The following KCNT2 variants were observed in gnomAD, a reference collection of about 807,000 sequenced individuals.
The protein encoded by KCNT2 is potassium sodium-activated channel subfamily T member 2, also known as potassium channel subfamily T member 2.
A neutral mutation model predicts 153.8 loss-of-function variants in KCNT2; 67 were observed. That is an observed-to-expected ratio of 0.44 (90% CI 0.36 to 0.53). The LOEUF (loss-of-function observed/expected upper bound fraction) is 0.53. Among genes scored for constraint, KCNT2 ranks in the 20% least tolerant of loss-of-function variants. The probability of loss-of-function intolerance (pLI) is 0.00; values close to 1 mark genes in which losing one functional copy is unlikely to be tolerated. For synonymous variants in KCNT2, 500 were observed against 458.8 expected (o/e 1.09, Z -1.15); for missense variants, 975 against 1,354.8 (o/e 0.72, Z 4.40).
At chr1:196,606,603 C>T (rs1450035131) in intron 1 of KCNT2, among the ~76,000 whole-genome samples, 1 of 152,134 alleles carries the variant, frequency 6.6e-6, no homozygotes, top group Non-Finnish European at 1.5e-5. Flanking sequence ...ATTTCTGCAG[C>T]ATCCTTAGAA....
intron 8 of KCNT2, among the ~76,000 whole-genome samples, chr1:196,452,704 C>T (rs1479748665): frequency 2.5e-5 from 3 of 118,490 alleles, no homozygotes; most frequent in African/African-American, 9.6e-5. Context: ...AGAAATAGAA[C>T]CAATATGTTA....
At chr1:196,458,930 A>T (rs2148644045) in intron 8 of KCNT2, among the ~76,000 whole-genome samples, 1 of 152,010 alleles carries the variant, frequency 6.6e-6, no homozygotes, top group Admixed American at 6.6e-5. Context: ...CCATTCCTGT[A>T]ATTCAAACAT....
intron 22 of KCNT2, among the ~76,000 whole-genome samples, chr1:196,299,686 C>T (rs577350010): frequency 6.6e-6 from 1 of 152,074 alleles, no homozygotes; most frequent in East Asian, 1.9e-4. Context: ...TTATGGACAA[C>T]AAAATGAAGA....
intron 1 of KCNT2, among the ~76,000 whole-genome samples, chr1:196,522,970 C>A (rs1398843712): frequency 6.6e-6 from 1 of 152,204 alleles, no homozygotes; most frequent in Non-Finnish European, 1.5e-5. Flanking sequence ...GCCAGTGTGG[C>A]AACCCACTTG....
chr1:196,255,008 G>C (rs951613616), intron 26 of KCNT2, among the ~76,000 whole-genome samples: 8 of 151,412 alleles, frequency 5.3e-5, no homozygotes, highest in Non-Finnish European at 1.2e-4. Flanking sequence ...AAATCAGCTA[G>C]TACCTATTAT....
chr1:196,471,315 T>C (rs1678090684), intron 5 of KCNT2, among the ~76,000 whole-genome samples: 1 of 152,200 alleles, frequency 6.6e-6, no homozygotes, highest in Admixed American at 6.5e-5. Context: ...AGACAGAGGA[T>C]GCACGGTTTT....
At chr1:196,544,148 T>A (rs1203883249) in intron 1 of KCNT2, among the ~76,000 whole-genome samples, 1 of 152,170 alleles carries the variant, frequency 6.6e-6, no homozygotes, top group South Asian at 2.1e-4. Context: ...CAATAAGTTA[T>A]GGCATTCACA....
intron 1 of KCNT2, among the ~76,000 whole-genome samples, chr1:196,508,583 C>T (rs1342454906): frequency 6.6e-6 from 1 of 151,960 alleles, no homozygotes; most frequent in Non-Finnish European, 1.5e-5. Flanking sequence ...ATTAAGAATA[C>T]AAAAAGAAGT....
chr1:196,241,073 A>C (rs372462311), intron 26 of KCNT2, among the ~76,000 whole-genome samples: 1 of 152,090 alleles, frequency 6.6e-6, no homozygotes, highest in Non-Finnish European at 1.5e-5. Flanking sequence ...AGACAGAGAA[A>C]GAGACTTAGA....
intron 1 of KCNT2, among the ~76,000 whole-genome samples, chr1:196,555,440 A>G (rs1183407768): frequency 6.6e-6 from 1 of 151,350 alleles, no homozygotes; most frequent in East Asian, 1.9e-4. Context: ...AATTAATGTA[A>G]CCAAAGAAGT....
Position 196,593,295 on chromosome 1 carries a change from A to AATATATAT in KCNT2, c.95+14912_95+14919dup, listed in dbSNP as rs200795914. Among the ~76,000 whole-genome samples, 427 of 128,780 alleles carry AATATATAT rather than the reference A, an allele frequency of 3.3e-3. 2 individuals carry two copies. The highest frequency in any genetic ancestry group is 0.011 in the African/African-American group (393 of 34,500). 84.5% of individuals were successfully genotyped at this position (128,780 alleles called of 152,430 possible). A position where few individuals can be genotyped will look rare whatever the true frequency, so the allele number is the denominator to read the frequency against. On this transcript the variant is annotated intron_variant, in intron 1 of 27. Coordinates refer to ENST00000294725, the MANE Select transcript of KCNT2 (RefSeq NM_198503.5). ...CTGAGTAGTATTCCATCATATATAT[A>AATATATAT]ATATATATATATATATACACACACA...
chr1:196,408,709 T>C (rs1024503562), intron 12 of KCNT2, among the ~76,000 whole-genome samples: 1 of 151,682 alleles, frequency 6.6e-6, no homozygotes, highest in Admixed American at 6.6e-5. Flanking sequence ...GGTTTTATTA[T>C]TGATGCCTCA....
At chr1:196,574,615 A>G (rs1661144776) in intron 1 of KCNT2, among the ~76,000 whole-genome samples, 3 of 151,940 alleles carry the variant, frequency 2.0e-5, no homozygotes, top group Admixed American at 1.3e-4. Context: ...AAGGGAAATA[A>G]TTTCTTGATG....
chr1:196,266,938 A>G (rs1026158198), intron 25 of KCNT2, among the ~76,000 whole-genome samples: 3 of 152,200 alleles, frequency 2.0e-5, no homozygotes, highest in Non-Finnish European at 4.4e-5. Context: ...GAGATAGCTC[A>G]TTTGGCCACC....
rs551261231 is a variant in KCNT2, at chr1:196,531,801, C to T, written c.96-39460G>A. 1.5e-4 allele frequency among the ~76,000 whole-genome samples: 23 copies of T among 152,136 alleles called. 1 individual carries two copies. In the South Asian group the frequency reaches 3.9e-3, roughly 26 times the overall value. ...GAAGTAATTAGAGATGTATTTATTT[C>T]AGCAATTTAATGTAATTACACTAAA... On this transcript the variant is annotated intron_variant, in intron 1 of 27. Transcript: ENST00000294725.
chr1:196,570,621 A>G (rs1325396247), intron 1 of KCNT2, among the ~76,000 whole-genome samples: 1 of 152,106 alleles, frequency 6.6e-6, no homozygotes, highest in African/African-American at 2.4e-5. Context: ...TGGCAGATGC[A>G]ATGATACTCA....
At chr1:196,270,184 A>G (rs1436455115) in intron 25 of KCNT2, among the ~76,000 whole-genome samples, 1 of 152,000 alleles carries the variant, frequency 6.6e-6, no homozygotes, top group Non-Finnish European at 1.5e-5. Context: ...TTTGATAACT[A>G]CTTTTTTGGA....
intron 1 of KCNT2, among the ~76,000 whole-genome samples, chr1:196,492,718 C>G (rs1679951581): frequency 6.6e-6 from 1 of 152,068 alleles, no homozygotes; most frequent in African/African-American, 2.4e-5. Context: ...AGTGCTTTCC[C>G]CATTTTTTTC....
chr1:196,267,093 T>TA (rs1444402873), intron 25 of KCNT2, among the ~76,000 whole-genome samples: 84 of 152,280 alleles, frequency 5.5e-4, no homozygotes, highest in African/African-American at 2.0e-3. Flanking sequence ...ATAGAATACT[T>TA]AAACAGTCCT....
Sources: allele counts gnomAD v4.1 joint callset (sites outside exome capture counted in the v4.1 genomes callset), GRCh38; gene constraint gnomAD v4.1.1; transcripts MANE v1.5; gene names NCBI Gene and HGNC (gene_info 2026-07-23, HGNC 2026-07-21).